BIVM: variants seen among roughly 807,000 people sequenced by gnomAD.
BIVM encodes the protein basic, immunoglobulin-like variable motif containing, also known as basic immunoglobulin-like variable motif-containing protein.
Under a neutral mutation model 61.4 loss-of-function variants are expected in BIVM, and 31 were observed. That is an observed-to-expected ratio of 0.51 (90% CI 0.38 to 0.68). BIVM has a LOEUF of 0.68. Among genes scored for constraint, BIVM ranks in the 30% least tolerant of loss-of-function variants. BIVM has a pLI of 0.00. For synonymous variants in BIVM, 189 were observed against 210.7 expected (o/e 0.90, Z 0.89); for missense variants, 526 against 596.0 (o/e 0.88, Z 1.22).
intron 3 of BIVM, 124 bp from the exon 4 acceptor site, chr13:102,816,304 C>A: frequency 1.1e-6 from 1 of 918,004 alleles, no homozygotes; most frequent in Non-Finnish European, 1.5e-6. Flanking sequence ...ATTATTTTTT[C>A]TTTGCACTTT....
intron 8 of BIVM, among the ~76,000 whole-genome samples, chr13:102,833,033 C>A (rs1881201265): frequency 1.3e-5 from 2 of 151,784 alleles, no homozygotes; most frequent in South Asian, 4.2e-4. Flanking sequence ...CTGAGGCAGG[C>A]AGATTGCTTG....
At chr13:102,813,806 T>G (rs1183827850) in intron 3 of BIVM, among the ~76,000 whole-genome samples, 1 of 152,192 alleles carries the variant, frequency 6.6e-6, no homozygotes, top group Non-Finnish European at 1.5e-5. Context: ...TCAGCTCTTT[T>G]AGCTGTGTTG....
At chr13:102,819,601 C>T (rs1244606753) in intron 4 of BIVM, among the ~76,000 whole-genome samples, 10 of 152,138 alleles carry the variant, frequency 6.6e-5, no homozygotes, top group Non-Finnish European at 2.9e-5. Context: ...TGGGCCCTGT[C>T]GCGGGGTGGG....
In BIVM at chr13:102,810,173, C is replaced by T. The variant is rs186139021; in HGVS notation, c.478+2428C>T. On this transcript the variant is annotated intron_variant, in intron 3 of 10. Coordinates refer to ENST00000257336, the MANE Select transcript of BIVM (RefSeq NM_017693.4). Reference sequence around the variant, plus strand: ...GAAACCACAATTTTACTTTTTGTCACTGTGAATTTGACTATTCTAGGTACC... The same window carrying T: ...GAAACCACAATTTTACTTTTTGTCATTGTGAATTTGACTATTCTAGGTACC... Among the ~76,000 whole-genome samples, 220 of 152,310 alleles carry T rather than the reference C, an allele frequency of 1.4e-3. 3 individuals carry two copies. In the South Asian group the frequency reaches 0.017, roughly 12 times the overall value.
intron 9 of BIVM, among the ~76,000 whole-genome samples, chr13:102,836,080 A>G (rs556582274): frequency 2.6e-5 from 4 of 152,356 alleles, no homozygotes; most frequent in Admixed American, 2.6e-4. Context: ...TTGCTGATTC[A>G]TAGTATAGAT....
At chr13:102,822,042 A>T in intron 6 of BIVM, 23 bp from the exon 7 acceptor site, 1 of 1,610,584 alleles carries the variant, frequency 6.2e-7, no homozygotes, top group Non-Finnish European at 8.5e-7. Context: ...GTTGCCATGA[A>T]CAAATCTTCT....
chr13:102,821,115 C>A lies in BIVM; in HGVS notation c.684C>A (p.Ser228Arg), dbSNP rs751063939. ...TTTCTTGTTGGAATTTCTTATACAG[C>A]ACAATGGGAGCTGGAAAGTAAGTAT... ...SLISCWNFLY[S>R]TMGAGNLPPI... The change falls in exon 5 of 11, where the codon AGC becomes AGA. Residue 228 changes from serine to arginine, a missense_variant. Around this residue, in one of 3 missense-constraint regions of BIVM, gnomAD observed 312 missense variants for 343.8 expected, o/e 0.91. Coordinates refer to ENST00000257336, the MANE Select transcript of BIVM (RefSeq NM_017693.4). The A allele has an allele frequency of 1.9e-6, 3 of 1,612,514 alleles. No individual in the cohort carries two copies. Among genetic ancestry groups the A allele is most frequent in the South Asian group, 2.2e-5 (2 of 90,624 alleles).
At chr13:102,837,851 C>T (rs529608846) in intron 9 of BIVM, among the ~76,000 whole-genome samples, 28 of 152,218 alleles carry the variant, frequency 1.8e-4, no homozygotes, top group African/African-American at 5.8e-4. Context: ...CTAAGCTATG[C>T]GGATGCAAAG....
intron 4 of BIVM, 41 bp downstream of exon 4, chr13:102,816,595 G>A (rs1258288081): frequency 6.8e-7 from 1 of 1,461,512 alleles, no homozygotes; most frequent in Non-Finnish European, 9.0e-7. Flanking sequence ...TTTGAAATAT[G>A]TAATATATGT....
At chr13:102,816,346 A>G in intron 3 of BIVM, 82 bp from the exon 4 acceptor site, 1 of 1,337,776 alleles carries the variant, frequency 7.5e-7, no homozygotes, top group East Asian at 2.9e-5. Flanking sequence ...GTTACTTCTT[A>G]ATTTTGGTGC....
At chr13:102,813,260 C>T (rs1196983013) in intron 3 of BIVM, among the ~76,000 whole-genome samples, 1 of 152,076 alleles carries the variant, frequency 6.6e-6, no homozygotes, top group African/African-American at 2.4e-5. Flanking sequence ...GAGATTTAGG[C>T]CTTCTTCCTG....
chr13:102,802,050 C>T (rs906268292), intron 1 of BIVM, among the ~76,000 whole-genome samples: 1 of 152,174 alleles, frequency 6.6e-6, no homozygotes. Context: ...AGAGCAGAGG[C>T]TTTCAGGCAG....
chr13:102,823,689 T>TAC (rs1880453456), intron 7 of BIVM, among the ~76,000 whole-genome samples: 1 of 152,218 alleles, frequency 6.6e-6, no homozygotes, highest in African/African-American at 2.4e-5. Context: ...TCCTGTTTGG[T>TAC]AATTTTCTCT....
intron 7 of BIVM, among the ~76,000 whole-genome samples, chr13:102,823,233 T>C (rs2139212072): frequency 6.6e-6 from 1 of 152,310 alleles, no homozygotes; most frequent in East Asian, 1.9e-4. Flanking sequence ...AGAGGGTATA[T>C]GGTTTACCAA....
chr13:102,833,924 T>A (rs547023019), intron 8 of BIVM, among the ~76,000 whole-genome samples: 10 of 152,360 alleles, frequency 6.6e-5, no homozygotes, highest in Non-Finnish European at 1.5e-4. Context: ...ATATAAATCA[T>A]GGTTTTAAAC....
intron 4 of BIVM, among the ~76,000 whole-genome samples, chr13:102,817,641 T>C (rs1275536944): frequency 6.6e-6 from 1 of 152,170 alleles, no homozygotes; most frequent in Non-Finnish European, 1.5e-5. Flanking sequence ...TTGATGATCC[T>C]TGTCTGAATA....
rs978156502 is a variant in BIVM at position 102,807,090 on chromosome 13, T to A, written c.-122-56T>A. ...TATGCATAAAACTTGCTATGCTTTT[T>A]AGTGGCTCTTTGTGTATCTGGTGGA... On this transcript the variant is annotated intron_variant, in intron 2 of 10. Transcript: ENST00000257336. This position sits in a 1 kb window ranked among gnomAD's most constrained non-coding sequence, Gnocchi z 4.0. 8.3e-6 allele frequency: 5 copies of A among 599,854 alleles called. No individual in the cohort carries two copies. The highest frequency in any genetic ancestry group is 1.4e-5 in the Non-Finnish European group (5 of 361,836). The allele number at this position is 599,854 out of a possible 1,614,324, so 37.2% of individuals were successfully genotyped here.
chr13:102,823,901 GA>G (rs1880468279), intron 7 of BIVM, among the ~76,000 whole-genome samples: 1 of 151,984 alleles, frequency 6.6e-6, no homozygotes. Flanking sequence ...TGTAATGTAG[GA>G]AATGTGTATA....
Position 102,807,536 on chromosome 13 carries a change from G to T in BIVM, c.269G>T (p.Arg90Leu). ...TSIYKTPNPS[R>L]SPCLPDSTSL... ...ATCTATAAAACTCCAAATCCATCCC[G>T]CTCTCCTTGCCTCCCTGATAGTACC... Residue 90 changes from arginine to leucine, a missense_variant, in exon 3 of 11, where the codon CGC (arginine) becomes CTC (leucine). By Grantham distance (102) the Arg-to-Leu change is moderately radical. Transcript: ENST00000257336. This position sits in a 1 kb window ranked among gnomAD's most constrained non-coding sequence, Gnocchi z 4.0. The T allele has an allele frequency of 2.5e-6, 4 of 1,613,950 alleles. No individual in the cohort carries two copies. The highest frequency in any genetic ancestry group is 1.6e-4 in the Middle Eastern group (1 of 6,084).
Sources: gnomAD v4.1 joint callset for allele counts (sites outside exome capture counted in the v4.1 genomes callset) on GRCh38, gnomAD v4.1.1 for gene constraint, gnomAD v4.1.1 regional missense constraint, Gnocchi (gnomAD v3.1) non-coding constraint, MANE v1.5 for transcripts, NCBI Gene and HGNC (gene_info 2026-07-23, HGNC 2026-07-21) for gene names.